The following ABCC1 variants were observed in gnomAD, a reference collection of about 807,000 sequenced individuals.
ABCC1 encodes multidrug resistance-associated protein 1.
A neutral mutation model predicts 172.9 loss-of-function variants in ABCC1; 83 were observed. That is an observed-to-expected ratio of 0.48 (90% CI 0.40 to 0.58). ABCC1 has a LOEUF of 0.58. ABCC1 is among the 20% of genes least tolerant of loss of function. ABCC1 has a pLI of 0.00. For synonymous variants in ABCC1, 937 were observed against 825.2 expected, an observed-to-expected ratio of 1.14 and a Z score of -2.32; for missense variants, 1,817 against 2,002.7, an observed-to-expected ratio of 0.91 and a Z score of 1.77.
chr16:15,981,193 G>A (rs751567317), intron 1 of ABCC1, among the ~76,000 whole-genome samples: 5 of 152,346 alleles, frequency 3.3e-5, no homozygotes, highest in East Asian at 3.9e-4. Context: ...GTGAGTCTGC[G>A]GCTTTTCCAG....
chr16:16,060,475 C>A (rs1399559393), intron 12 of ABCC1, among the ~76,000 whole-genome samples: 1 of 152,126 alleles, frequency 6.6e-6, no homozygotes, highest in Non-Finnish European at 1.5e-5. Flanking sequence ...TTGCATTCTT[C>A]TTACACTCCA....
chr16:16,025,888 T>G (rs2062828770), intron 5 of ABCC1, among the ~76,000 whole-genome samples: 1 of 152,186 alleles, frequency 6.6e-6, no homozygotes, highest in African/African-American at 2.4e-5. Context: ...CAAGCTGCTT[T>G]CATGCTATCT....
At chr16:15,999,989 G>C (rs1362326459) in intron 1 of ABCC1, among the ~76,000 whole-genome samples, 1 of 149,822 alleles carries the variant, frequency 6.7e-6, no homozygotes, top group Admixed American at 6.8e-5. Context: ...CGAGTAGCTG[G>C]GACTACAGGT....
At chr16:16,118,216 C>T (rs555777856) in intron 23 of ABCC1, among the ~76,000 whole-genome samples, 1 of 152,048 alleles carries the variant, frequency 6.6e-6, no homozygotes, top group African/African-American at 2.4e-5. Context: ...CAAAGCAAAA[C>T]AAGAGTAAGA....
chr16:16,126,699 A>G (rs2045453768), intron 26 of ABCC1, among the ~76,000 whole-genome samples: 4 of 152,148 alleles, frequency 2.6e-5, no homozygotes, highest in Admixed American at 2.0e-4. Flanking sequence ...ATGTATTTGT[A>G]TAGGGGACTC....
At chr16:16,007,276 G>A (rs1199536923) in intron 1 of ABCC1, among the ~76,000 whole-genome samples, 1 of 150,848 alleles carries the variant, frequency 6.6e-6, no homozygotes, top group Non-Finnish European at 1.5e-5. Context: ...TGCCCAGGGT[G>A]TAGTACAGTG....
chr16:15,952,797 A>T (rs186011085), intron 1 of ABCC1, among the ~76,000 whole-genome samples: 2,243 of 140,894 alleles, frequency 0.016, 30 homozygotes, highest in Non-Finnish European at 0.026. Flanking sequence ...TGGGAGGCTG[A>T]GGCAGGCGGA....
chr16:16,007,374 C>T (rs1018266548), intron 1 of ABCC1, among the ~76,000 whole-genome samples: 4 of 152,002 alleles, frequency 2.6e-5, no homozygotes, highest in Non-Finnish European at 4.4e-5. Flanking sequence ...AATACAGGCA[C>T]GCTCCATGCT....
At chr16:16,141,130 C>A (rs1318678674) in intron 30 of ABCC1, 43 bp from the exon 31 acceptor site, 1 of 1,567,026 alleles carries the variant, frequency 6.4e-7, no homozygotes, top group South Asian at 1.1e-5. Context: ...ACGAGGTGCT[C>A]ACCCCTCCCC....
chr16:16,023,349 T>G (rs1212935579), intron 5 of ABCC1, among the ~76,000 whole-genome samples: 3 of 152,218 alleles, frequency 2.0e-5, no homozygotes, highest in African/African-American at 7.2e-5. Flanking sequence ...ACAGTGAAAT[T>G]GCTGATCTCA....
intron 11 of ABCC1, among the ~76,000 whole-genome samples, chr16:16,054,597 A>G (rs1238369388): frequency 7.1e-6 from 1 of 141,028 alleles, no homozygotes; most frequent in Non-Finnish European, 1.6e-5. Flanking sequence ...CTCACGTGGT[A>G]GGGTTGGGTG....
At chr16:16,031,350 C>A (rs1253723167) in intron 5 of ABCC1, among the ~76,000 whole-genome samples, 1 of 152,162 alleles carries the variant, frequency 6.6e-6, no homozygotes, top group Non-Finnish European at 1.5e-5. Flanking sequence ...AGAATTTAGA[C>A]CCGGATGCAT....
intron 16 of ABCC1, among the ~76,000 whole-genome samples, chr16:16,081,069 T>C (rs2050787567): frequency 6.6e-6 from 1 of 152,202 alleles, no homozygotes; most frequent in Non-Finnish European, 1.5e-5. Flanking sequence ...GATTTTACCA[T>C]GTTGACCTGG....
chr16:16,070,501 A>C (rs1383539181), intron 13 of ABCC1, among the ~76,000 whole-genome samples: 1 of 152,098 alleles, frequency 6.6e-6, no homozygotes, highest in Non-Finnish European at 1.5e-5. Flanking sequence ...TGTCTCTGCT[A>C]AAAATATAAA....
chr16:16,124,992 G>C (rs983137544), intron 25 of ABCC1, 77 bp downstream of exon 25: 1 of 1,596,436 alleles, frequency 6.3e-7, no homozygotes, highest in African/African-American at 1.3e-5. Context: ...TTGGATTCCA[G>C]CTCCAACAGG....
Position 16,036,706 on chromosome 16 carries a change from G to C in ABCC1, c.809+103G>C, listed in dbSNP as rs1302115588. 1.2e-5 allele frequency: 16 copies of C among 1,298,638 alleles called. No homozygotes were observed. In the Middle Eastern group the frequency reaches 7.6e-4, roughly 62 times the overall value. 80.4% of individuals were successfully genotyped at this position (1,298,638 alleles called of 1,614,324 possible). A position where few individuals can be genotyped will look rare whatever the true frequency, so the allele number is the denominator to read the frequency against. On this transcript the variant is annotated intron_variant, in intron 7 of 30. Transcript: ENST00000399410. ...GCCCTGGCAGTGCTGCCTGTTACTAGCTTTGTGGTTCTGGGCAAGATGCCT... is the reference window on the plus strand; with the variant it reads ...GCCCTGGCAGTGCTGCCTGTTACTACCTTTGTGGTTCTGGGCAAGATGCCT...
chr16:16,043,673 CTCA>C (rs1282291375), intron 7 of ABCC1, among the ~76,000 whole-genome samples: 1 of 152,182 alleles, frequency 6.6e-6, no homozygotes, highest in East Asian at 1.9e-4. Flanking sequence ...CTGATCTCCA[CTCA>C]CAGCAACCTC....
intron 13 of ABCC1, among the ~76,000 whole-genome samples, chr16:16,070,704 G>A (rs986675001): frequency 3.3e-5 from 5 of 152,012 alleles, no homozygotes; most frequent in Non-Finnish European, 7.4e-5. Context: ...TGCCACAGTT[G>A]ATTTATCTCA....
intron 1 of ABCC1, among the ~76,000 whole-genome samples, chr16:15,987,494 G>A (rs748202297): frequency 1.3e-5 from 2 of 152,186 alleles, no homozygotes; most frequent in Non-Finnish European, 2.9e-5. Flanking sequence ...ATTTCCCGTC[G>A]TGGGGGCTGT....
Sources: gnomAD v4.1 joint callset for allele counts (sites outside exome capture counted in the v4.1 genomes callset) on GRCh38, gnomAD v4.1.1 for gene constraint, MANE v1.5 for transcripts, NCBI Gene and HGNC (gene_info 2026-07-23, HGNC 2026-07-21) for gene names.